Variants in RANBP2 observed in about 807,000 individuals in gnomAD.
The protein encoded by RANBP2 is E3 SUMO-protein ligase RanBP2.
A neutral mutation model predicts 303.6 loss-of-function variants in RANBP2; 57 were observed. The ratio of observed to expected loss-of-function variants is 0.19; its 90% confidence interval spans 0.15 to 0.23. RANBP2 has a LOEUF of 0.23. Ranked by LOEUF, RANBP2 falls within the 10% of genes least tolerant of loss-of-function variation. The pLI is 1.00. For synonymous variants in RANBP2, 1,167 were observed against 1,301.5 expected, an observed-to-expected ratio of 0.90 and a Z score of 2.23; for missense variants, 3,138 against 3,780.8, an observed-to-expected ratio of 0.83 and a Z score of 4.46.
At chr2:109,453,106 C>G in the RANBP2 span, among the ~76,000 whole-genome samples, 19 of 152,314 alleles carry the variant, frequency 1.2e-4, no homozygotes, top group Admixed American at 2.6e-4. Flanking sequence ...GTGCAGGCCT[C>G]TGGGGATAAT....
chr2:109,213,711 G>A, the RANBP2 span, among the ~76,000 whole-genome samples: 1 of 152,330 alleles, frequency 6.6e-6, no homozygotes, highest in African/African-American at 2.4e-5. Context: ...TCAGAGCCTG[G>A]CCTTTATCCT....
At chr2:108,861,684 T>C in the RANBP2 span, among the ~76,000 whole-genome samples, 2 of 152,052 alleles carry the variant, frequency 1.3e-5, no homozygotes, top group African/African-American at 4.8e-5. Flanking sequence ...TTTCACCATA[T>C]TGGCCAGACT....
chr2:109,266,263 C>T, the RANBP2 span, among the ~76,000 whole-genome samples: 5 of 148,656 alleles, frequency 3.4e-5, no homozygotes, highest in African/African-American at 9.9e-5. Flanking sequence ...GTGTGTTGTG[C>T]GTGCATGTGT....
the RANBP2 span, among the ~76,000 whole-genome samples, chr2:109,526,617 C>T: frequency 1.3e-5 from 2 of 152,160 alleles, no homozygotes; most frequent in African/African-American, 2.4e-5. Flanking sequence ...CGGCTCACCT[C>T]CTCTTTGAAT....
the RANBP2 span, chr2:108,989,276 C>T: frequency 6.5e-6 from 1 of 152,728 alleles, no homozygotes; most frequent in Non-Finnish European, 1.5e-5. Flanking sequence ...CCTGCACCAT[C>T]TAGAGGTCTC....
chr2:108,986,390 G>A, the RANBP2 span, among the ~76,000 whole-genome samples: 2 of 152,094 alleles, frequency 1.3e-5, no homozygotes, highest in Admixed American at 1.3e-4. Flanking sequence ...GAGGGGGAGT[G>A]TTTGCTTACT....
the RANBP2 span, among the ~76,000 whole-genome samples, chr2:109,244,209 C>T: frequency 3.3e-5 from 5 of 152,052 alleles, no homozygotes; most frequent in South Asian, 8.3e-4. Context: ...GATTCTAATC[C>T]GAGCTGGAGA....
chr2:109,035,074 C>T, the RANBP2 span, among the ~76,000 whole-genome samples: 1 of 152,192 alleles, frequency 6.6e-6, no homozygotes, highest in African/African-American at 2.4e-5. Context: ...AGATAACCTC[C>T]CTAGATTGGA....
the RANBP2 span, among the ~76,000 whole-genome samples, chr2:109,343,744 C>T: frequency 7.0e-6 from 1 of 143,788 alleles, no homozygotes; most frequent in African/African-American, 2.6e-5. Context: ...CCCTGGTTTC[C>T]TTTTTTTTTT....
the RANBP2 span, among the ~76,000 whole-genome samples, chr2:109,160,947 C>T: frequency 6.6e-6 from 1 of 152,052 alleles, no homozygotes; most frequent in East Asian, 1.9e-4. Flanking sequence ...AGGGGTGTGG[C>T]TGAGAGGAGG....
the RANBP2 span, among the ~76,000 whole-genome samples, chr2:108,800,367 C>T: frequency 3.3e-5 from 5 of 152,100 alleles, no homozygotes; most frequent in African/African-American, 9.7e-5. Context: ...TGGGTTCAAG[C>T]GATTCTCCTG....
the RANBP2 span, among the ~76,000 whole-genome samples, chr2:109,268,779 A>G: frequency 5.9e-5 from 9 of 151,750 alleles, no homozygotes; most frequent in African/African-American, 2.2e-4. Context: ...GATGTCGCCT[A>G]CTATAGGCTA....
chr2:108,807,763 G>A, the RANBP2 span, among the ~76,000 whole-genome samples: 7 of 151,882 alleles, frequency 4.6e-5, no homozygotes, highest in Admixed American at 3.3e-4. Flanking sequence ...GATTACAGGC[G>A]CCCACCACCA....
At chr2:109,406,842 AG>A in the RANBP2 span, among the ~76,000 whole-genome samples, 1 of 152,150 alleles carries the variant, frequency 6.6e-6, no homozygotes, top group South Asian at 2.1e-4. Context: ...TGCGCATTTC[AG>A]TGGTCGAAGC....
the RANBP2 span, chr2:109,614,242 T>A: frequency 1.3e-6 from 1 of 758,544 alleles, no homozygotes; most frequent in Non-Finnish European, 1.7e-6. Flanking sequence ...TAGGTAGGTG[T>A]GGCCGAGACA....
chr2:109,702,718 TG>T, the RANBP2 span, among the ~76,000 whole-genome samples: 1 of 152,174 alleles, frequency 6.6e-6, no homozygotes, highest in Non-Finnish European at 1.5e-5. Context: ...ATGGGAGTTT[TG>T]AAAGTGCTAG....
chr2:108,990,509 T>C, the RANBP2 span, among the ~76,000 whole-genome samples: 7 of 150,700 alleles, frequency 4.6e-5, no homozygotes, highest in Non-Finnish European at 7.4e-5. Context: ...AGCAGGAGAA[T>C]TGTTCGAACC....
chr2:108,794,577 G>T, the RANBP2 span: 1 of 1,613,718 alleles, frequency 6.2e-7, no homozygotes, highest in Non-Finnish European at 8.5e-7. Context: ...CGAGACCTCG[G>T]ACTGAGTGTT....
At position 108,754,903 on chromosome 2, in the gene RANBP2, A is replaced by G; in HGVS notation, c.2203-2A>G. 1 of 1,611,748 alleles carries G rather than the reference A, an allele frequency of 6.2e-7. No individual in the cohort carries two copies. Among genetic ancestry groups the G allele is most frequent in the Non-Finnish European group, 8.5e-7 (1 of 1,179,790 alleles). On this transcript the variant is annotated splice_acceptor_variant, in intron 15 of 28. Coordinates refer to ENST00000283195, the MANE Select transcript of RANBP2 (RefSeq NM_006267.5). LOFTEE classifies it high-confidence loss of function. ...CCCTTAATTAATGTCTTTTATTTTT[A>G]GTTGCCTGTGCCCCTGGAGTCTGTA...
Sources: allele counts gnomAD v4.1 joint callset (sites outside exome capture counted in the v4.1 genomes callset), GRCh38; gene constraint gnomAD v4.1.1; transcripts MANE v1.5; gene names NCBI Gene and HGNC (gene_info 2026-07-23, HGNC 2026-07-21).